Variants in EYS observed in about 807,000 individuals in gnomAD.
EYS encodes EGF-like photoreceptor maintenance factor.
Under a neutral mutation model 282.1 loss-of-function variants are expected in EYS, and 250 were observed. The observed-to-expected ratio is 0.89, with a 90% CI of 0.80 to 0.98. The LOEUF (loss-of-function observed/expected upper bound fraction) is 0.98. Ranked by LOEUF, EYS falls within the 50% of genes least tolerant of loss-of-function variation. The pLI is 0.00. For missense variants in EYS, 4,016 were observed against 3,709.0 expected (o/e 1.08, Z -2.15); for synonymous variants, 1,355 against 1,282.9 (o/e 1.06, Z -1.20).
intron 21 of EYS, among the ~76,000 whole-genome samples, 154 bp from the exon 22 acceptor site, chr6:64,813,731 A>C (rs1035803116): frequency 6.6e-6 from 1 of 152,068 alleles, no homozygotes; most frequent in Admixed American, 6.6e-5. Flanking sequence ...TGTTTATGAC[A>C]GTAAGCGGTT....
intron 9 of EYS, among the ~76,000 whole-genome samples, chr6:65,347,196 G>A (rs1290651125): frequency 6.6e-6 from 1 of 151,688 alleles, no homozygotes; most frequent in Non-Finnish European, 1.5e-5. Context: ...CAGGCTAAGA[G>A]GAGAAAAATT....
At chr6:64,196,719 GA>G in intron 31 of EYS, among the ~76,000 whole-genome samples, 1 of 146,060 alleles carries the variant, frequency 6.8e-6, no homozygotes, top group Non-Finnish European at 1.5e-5. Flanking sequence ...ACAGGAAGGG[GA>G]ACATCACACT....
chr6:65,418,732 C>T (rs1021967603), intron 5 of EYS, among the ~76,000 whole-genome samples: 2 of 151,764 alleles, frequency 1.3e-5, no homozygotes, highest in Non-Finnish European at 2.9e-5. Flanking sequence ...GGGGAGGGAA[C>T]GTAGAGGATG....
chr6:64,305,155 G>C (rs948846414), intron 30 of EYS, among the ~76,000 whole-genome samples: 3 of 152,148 alleles, frequency 2.0e-5, no homozygotes, highest in Middle Eastern at 3.2e-3. Context: ...TACTTTTTCA[G>C]ATTGCTCATG....
chr6:63,847,480 G>T (rs1471753124), intron 36 of EYS, among the ~76,000 whole-genome samples: 2 of 150,786 alleles, frequency 1.3e-5, no homozygotes, highest in African/African-American at 2.4e-5. Context: ...ATTAATTTTT[G>T]TCTTAGAAAT....
intron 14 of EYS, among the ~76,000 whole-genome samples, chr6:64,958,770 A>G (rs1180568554): frequency 6.7e-6 from 1 of 150,096 alleles, no homozygotes; most frequent in African/African-American, 2.4e-5. Flanking sequence ...AAAAGAAACA[A>G]TCTTCAGCAA....
intron 41 of EYS, among the ~76,000 whole-genome samples, chr6:63,754,398 T>G (rs559451001): frequency 5.8e-4 from 88 of 152,240 alleles, no homozygotes; most frequent in Non-Finnish European, 9.9e-4. Flanking sequence ...TATGTCCATG[T>G]GTTCTCATTG....
At chr6:64,803,547 A>G (rs781774825) in intron 22 of EYS, among the ~76,000 whole-genome samples, 3 of 152,134 alleles carry the variant, frequency 2.0e-5, no homozygotes, top group Admixed American at 6.5e-5. Context: ...TGGGGCATCA[A>G]TGGGGACTCA....
intron 22 of EYS, among the ~76,000 whole-genome samples, chr6:64,698,165 A>G (rs1770652033): frequency 2.0e-5 from 3 of 152,058 alleles, no homozygotes; most frequent in Admixed American, 2.0e-4. Context: ...ACGTACCAAA[A>G]CCTTTGGGAT....
intron 19 of EYS, among the ~76,000 whole-genome samples, chr6:64,827,360 G>A (rs2036078): frequency 0.15 from 23,170 of 151,156 alleles, 2,018 homozygotes; most frequent in East Asian, 0.44. Context: ...GTCTCTTTAG[G>A]GTTTATTTAT....
chr6:64,491,462 T>C (rs903408593), intron 26 of EYS, among the ~76,000 whole-genome samples: 1 of 151,020 alleles, frequency 6.6e-6, no homozygotes, highest in Non-Finnish European at 1.5e-5. Context: ...GAAATATTTT[T>C]ACTGAACCCA....
intron 29 of EYS, among the ~76,000 whole-genome samples, chr6:64,316,638 C>G (rs1022555762): frequency 1.3e-5 from 2 of 152,028 alleles, no homozygotes; most frequent in Non-Finnish European, 2.9e-5. Flanking sequence ...CCATACTGCC[C>G]AAAGTAATTT....
At chr6:64,383,465 C>T (rs1772815220) in intron 29 of EYS, among the ~76,000 whole-genome samples, 2 of 152,328 alleles carry the variant, frequency 1.3e-5, no homozygotes, top group East Asian at 3.9e-4. Flanking sequence ...GCAGAATAGA[C>T]ACCAGATGCC....
intron 35 of EYS, among the ~76,000 whole-genome samples, chr6:63,973,635 C>G (rs1452608177): frequency 6.6e-6 from 1 of 152,050 alleles, no homozygotes; most frequent in Non-Finnish European, 1.5e-5. Context: ...AAGATAAATT[C>G]GTATGAGAAC....
chr6:64,837,525 A>G (rs1765419735), intron 19 of EYS, among the ~76,000 whole-genome samples: 1 of 150,802 alleles, frequency 6.6e-6, no homozygotes, highest in Admixed American at 6.7e-5. Flanking sequence ...AAATGAAAAA[A>G]GAGTAAGTCA....
At chr6:64,404,745 G>A (rs2150438792) in intron 28 of EYS, among the ~76,000 whole-genome samples, 1 of 152,300 alleles carries the variant, frequency 6.6e-6, no homozygotes, top group Non-Finnish European at 1.5e-5. Flanking sequence ...TGAGATTTGA[G>A]ATGGAGTCTA....
chr6:64,129,412 A>G (rs958037167), intron 31 of EYS, among the ~76,000 whole-genome samples: 1 of 152,186 alleles, frequency 6.6e-6, no homozygotes, highest in Non-Finnish European at 1.5e-5. Context: ...TTTTGGCTGC[A>G]TAAATGTCTT....
rs1489517900 is a variant in EYS, at chr6:63,734,180, A to T, written c.8072-7500T>A. Among the ~76,000 whole-genome samples, 4 of 152,248 alleles carry T rather than the reference A, an allele frequency of 2.6e-5. No homozygotes were observed. In the South Asian group the frequency reaches 8.3e-4, roughly 32 times the overall value. ...AACTATATTGAGTACTATGCTCACT[A>T]CCTGGGTGACTGGGTTCAATTGTAC... On this transcript the variant is annotated intron_variant, in intron 41 of 42. Coordinates refer to ENST00000503581, the MANE Select transcript of EYS (RefSeq NM_001142800.2).
rs544321845 is a variant in EYS, at chr6:64,372,333, A to C, written c.6078+16357T>G. On this transcript the variant is annotated intron_variant, in intron 29 of 42. Coordinates refer to ENST00000503581, the MANE Select transcript of EYS (RefSeq NM_001142800.2). ...GCTGAATATGAAATCCTTGGATGAA[A>C]ATTATTTTCTTTAAGAATGCTGAAT... Among the ~76,000 whole-genome samples the C allele has an allele frequency of 4.6e-5, 7 of 152,012 alleles. No homozygotes were observed. In the South Asian group the frequency reaches 1.5e-3, roughly 32 times the overall value.
Sources: allele counts gnomAD v4.1 joint callset (sites outside exome capture counted in the v4.1 genomes callset), GRCh38; gene constraint gnomAD v4.1.1; transcripts MANE v1.5; gene names NCBI Gene and HGNC (gene_info 2026-07-23, HGNC 2026-07-21).